NTM: variants seen among roughly 807,000 people sequenced by gnomAD.
NTM encodes neurotrimin.
Under a neutral mutation model 42.1 loss-of-function variants are expected in NTM, and 13 were observed. The ratio of observed to expected loss-of-function variants is 0.31; its 90% CI spans 0.20 to 0.49. NTM has a LOEUF of 0.49. NTM is among the 20% of genes least tolerant of loss of function. NTM has a pLI of 0.99. For missense variants in NTM, 373 were observed against 452.8 expected (o/e 0.82, Z 1.60); for synonymous variants, 187 against 179.2 (o/e 1.04, Z -0.35).
chr11:131,470,814 G>A (rs181807479), intron 1 of NTM, among the ~76,000 whole-genome samples: 43 of 152,310 alleles, frequency 2.8e-4, no homozygotes, highest in African/African-American at 9.4e-4. Context: ...AACTTAAAAG[G>A]GAAAGCAGCC....
In NTM at chr11:132,169,320, CTTTTTTTTTTTTTTTTTT is replaced by C. The variant is rs567723794; in HGVS notation, c.400+22821_400+22838del. 3.7e-4 allele frequency among the ~76,000 whole-genome samples: 12 copies of C among 32,360 alleles called. 2 individuals carry two copies. The highest frequency in any genetic ancestry group is 6.0e-4 in the Non-Finnish European group (11 of 18,376). 21.2% of individuals were successfully genotyped at this position (32,360 alleles called of 152,430 possible). On this transcript the variant is annotated intron_variant, in intron 3 of 8. Coordinates refer to ENST00000683400, the MANE Select transcript of NTM (RefSeq NM_001352005.2). ...GTGATATCTAGGTTTAATTTTTTTA[CTTTTTTTTTTTTTTTTTT>C]TTTTTTTTTTTTTTGGAGATGGAGT... is the stretch of plus-strand genomic sequence containing the variant.
chr11:131,982,878 T>A (rs1338226896), intron 2 of NTM, among the ~76,000 whole-genome samples: 1 of 152,152 alleles, frequency 6.6e-6, no homozygotes, highest in Non-Finnish European at 1.5e-5. Flanking sequence ...GGTCTTGCCT[T>A]TCTGCAGAAA....
intron 1 of NTM, among the ~76,000 whole-genome samples, chr11:131,495,648 C>G (rs1955261725): frequency 1.3e-5 from 2 of 152,170 alleles, no homozygotes; most frequent in Admixed American, 6.6e-5. Flanking sequence ...CCAGAAGAAG[C>G]CGGCCTGGAA....
At chr11:132,095,490 G>C (rs895359063) in intron 2 of NTM, among the ~76,000 whole-genome samples, 8 of 152,174 alleles carry the variant, frequency 5.3e-5, no homozygotes, top group African/African-American at 1.9e-4. Flanking sequence ...AAGGCATAGA[G>C]AGAAACAGAC....
chr11:131,422,881 G>A (rs1327978697), intron 1 of NTM, among the ~76,000 whole-genome samples: 1 of 152,054 alleles, frequency 6.6e-6, no homozygotes, highest in Non-Finnish European at 1.5e-5. Flanking sequence ...TTAAGATCAG[G>A]GACTATATAT....
At chr11:132,284,747 C>T (rs1368025698) in intron 4 of NTM, 4 of 152,766 alleles carry the variant, frequency 2.6e-5, no homozygotes, top group African/African-American at 7.2e-5. Flanking sequence ...GTAAACCCCA[C>T]CTGACTCTTC....
At chr11:131,500,544 T>TATATATATAC (rs1320989262) in intron 1 of NTM, among the ~76,000 whole-genome samples, 11 of 6,814 alleles carry the variant, frequency 1.6e-3, no homozygotes, top group Admixed American at 0.011. Context: ...TTATTTATTA[T>TATATATATAC]ATATATATAT....
chr11:132,207,130 A>G (rs549654034), intron 3 of NTM, among the ~76,000 whole-genome samples: 3 of 152,306 alleles, frequency 2.0e-5, no homozygotes, highest in East Asian at 1.9e-4. Context: ...CTCAGGCCAC[A>G]TACCGATACT....
At chr11:131,843,963 C>G (rs151324258) in intron 1 of NTM, among the ~76,000 whole-genome samples, 68 of 151,822 alleles carry the variant, frequency 4.5e-4, no homozygotes, top group African/African-American at 1.5e-3. Context: ...TTTCTCCCAG[C>G]CTGTGTCTCT....
At chr11:132,297,501 T>C (rs568105918) in intron 4 of NTM, among the ~76,000 whole-genome samples, 1 of 152,340 alleles carries the variant, frequency 6.6e-6, no homozygotes, top group Admixed American at 6.5e-5. Flanking sequence ...CCTCCGTGCA[T>C]TTCAACTTAG....
intron 1 of NTM, among the ~76,000 whole-genome samples, chr11:131,441,673 G>A (rs1591673799): frequency 6.6e-6 from 1 of 152,156 alleles, no homozygotes; most frequent in East Asian, 1.9e-4. Context: ...TTTCATGCTA[G>A]TAACCATCCA....
intron 2 of NTM, among the ~76,000 whole-genome samples, chr11:132,138,320 T>A (rs1204992025): frequency 6.6e-6 from 1 of 152,150 alleles, no homozygotes; most frequent in Non-Finnish European, 1.5e-5. Flanking sequence ...ACAGCAAAAT[T>A]TTGCAGAGAA....
At chr11:131,518,579 G>A (rs552097659) in intron 1 of NTM, among the ~76,000 whole-genome samples, 12 of 152,170 alleles carry the variant, frequency 7.9e-5, no homozygotes, top group Non-Finnish European at 1.6e-4. Context: ...CATTGGGGAG[G>A]AATTTCACTG....
chr11:132,090,842 A>ACTTG (rs1446210463), intron 2 of NTM, among the ~76,000 whole-genome samples: 3 of 152,170 alleles, frequency 2.0e-5, no homozygotes, highest in Non-Finnish European at 4.4e-5. Context: ...AAGAGTTTAC[A>ACTTG]CTTGCTGCTG....
At chr11:131,388,740 G>C (rs1943629829) in intron 1 of NTM, among the ~76,000 whole-genome samples, 1 of 151,666 alleles carries the variant, frequency 6.6e-6, no homozygotes, top group South Asian at 2.1e-4. Flanking sequence ...GGCCTGGAGT[G>C]GTGGCTCCTG....
At chr11:131,462,230 C>T (rs552964593) in intron 1 of NTM, among the ~76,000 whole-genome samples, 11 of 152,232 alleles carry the variant, frequency 7.2e-5, no homozygotes, top group African/African-American at 9.6e-5. Flanking sequence ...GAAAACAGAT[C>T]GGGTCTGGGG....
At chr11:131,721,953 C>A (rs759687083) in intron 1 of NTM, among the ~76,000 whole-genome samples, 1 of 127,662 alleles carries the variant, frequency 7.8e-6, no homozygotes, top group Admixed American at 9.6e-5. Flanking sequence ...GAGCCGAGAT[C>A]GTGCCATTGC....
intron 1 of NTM, among the ~76,000 whole-genome samples, chr11:131,763,582 A>C (rs928239465): frequency 2.0e-5 from 3 of 152,092 alleles, no homozygotes; most frequent in Non-Finnish European, 4.4e-5. Flanking sequence ...TTCGGGAGTG[A>C]TAAAATCCCT....
intron 1 of NTM, among the ~76,000 whole-genome samples, chr11:131,443,213 AGTGGTAGAG>A (rs1318201492): frequency 6.6e-6 from 1 of 152,214 alleles, no homozygotes; most frequent in Non-Finnish European, 1.5e-5. Context: ...CAACTTTATA[AGTGGTAGAG>A]CACTGGAAAG....
Sources: allele counts gnomAD v4.1 joint callset (sites outside exome capture counted in the v4.1 genomes callset), GRCh38; gene constraint gnomAD v4.1.1; transcripts MANE v1.5; gene names NCBI Gene and HGNC (gene_info 2026-07-23, HGNC 2026-07-21).